Variants in TNS3 observed in about 807,000 individuals in gnomAD.
TNS3 encodes the protein tensin 3.
TNS3 carries 45 observed loss-of-function variants against 140.9 expected under a neutral mutation model. The observed-to-expected ratio is 0.32, with a 90% CI of 0.25 to 0.41. The LOEUF (loss-of-function observed/expected upper bound fraction) is 0.41, where lower values mean the gene tolerates loss of function less well. Ranked by LOEUF, TNS3 falls within the 10% of genes least tolerant of loss-of-function variation. The pLI is 1.00. For synonymous variants in TNS3, 815 were observed against 788.4 expected, an observed-to-expected ratio of 1.03 and a Z score of -0.56; for missense variants, 1,716 against 1,906.7, an observed-to-expected ratio of 0.90 and a Z score of 1.86.
intron 4 of TNS3, among the ~76,000 whole-genome samples, chr7:47,472,760 T>C (rs1797009846): frequency 6.6e-6 from 1 of 152,170 alleles, no homozygotes; most frequent in South Asian, 2.1e-4. Context: ...CTCCTGCTGG[T>C]CTGCACTTGC....
chr7:47,554,143 G>A (rs963836512), intron 1 of TNS3, among the ~76,000 whole-genome samples: 2 of 149,966 alleles, frequency 1.3e-5, no homozygotes, highest in African/African-American at 4.9e-5. Context: ...TTTGGGCCAG[G>A]TACAGTGGCT....
chr7:47,554,711 T>G (rs192098864), intron 1 of TNS3, among the ~76,000 whole-genome samples: 30 of 152,314 alleles, frequency 2.0e-4, no homozygotes. Flanking sequence ...TTGCTTCTTA[T>G]GCATAAGCAA....
chr7:47,387,037 C>G (rs959842354), intron 16 of TNS3, among the ~76,000 whole-genome samples: 3 of 152,176 alleles, frequency 2.0e-5, no homozygotes, highest in African/African-American at 4.8e-5. Flanking sequence ...CTTGGACTTA[C>G]AGAGAGAGTA....
intron 21 of TNS3, among the ~76,000 whole-genome samples, chr7:47,303,796 G>C (rs1013526983): frequency 1.3e-5 from 2 of 152,238 alleles, no homozygotes; most frequent in Admixed American, 6.5e-5. Context: ...ATGCCTGGAT[G>C]CTGCAGCCCG....
At chr7:47,453,464 C>G (rs2151644650) in intron 4 of TNS3, among the ~76,000 whole-genome samples, 1 of 152,290 alleles carries the variant, frequency 6.6e-6, no homozygotes, top group Non-Finnish European at 1.5e-5. Context: ...ACTGGCCTTC[C>G]TCCCTCCCTC....
intron 2 of TNS3, among the ~76,000 whole-genome samples, chr7:47,524,959 C>T (rs1399392370): frequency 6.6e-6 from 1 of 152,056 alleles, no homozygotes; most frequent in Non-Finnish European, 1.5e-5. Flanking sequence ...TCATAGCTGT[C>T]CATGAGTGAT....
chr7:47,299,940 G>T (rs1442220206), intron 23 of TNS3, among the ~76,000 whole-genome samples: 1 of 152,186 alleles, frequency 6.6e-6, no homozygotes, highest in Non-Finnish European at 1.5e-5. Flanking sequence ...TGCATCTGGA[G>T]AAGCATCTGG....
chr7:47,379,693 T>C (rs1791630189), intron 16 of TNS3, among the ~76,000 whole-genome samples: 1 of 152,124 alleles, frequency 6.6e-6, no homozygotes, highest in Non-Finnish European at 1.5e-5. Flanking sequence ...AAGGCATTGC[T>C]CCCTTGGTGC....
intron 1 of TNS3, among the ~76,000 whole-genome samples, chr7:47,568,058 C>A (rs1800469302): frequency 6.6e-6 from 1 of 152,228 alleles, no homozygotes; most frequent in African/African-American, 2.4e-5. Flanking sequence ...GGCAAAACTC[C>A]ACTCTGGGAG....
intron 16 of TNS3, among the ~76,000 whole-genome samples, chr7:47,392,705 A>AG (rs1792599516): frequency 1.3e-5 from 2 of 152,252 alleles, no homozygotes; most frequent in Admixed American, 1.3e-4. Flanking sequence ...TGCTGACCGC[A>AG]GGCAAGAGCG....
chr7:47,323,791 A>G (rs906384548), intron 20 of TNS3, among the ~76,000 whole-genome samples: 5 of 152,246 alleles, frequency 3.3e-5, no homozygotes, highest in Non-Finnish European at 7.3e-5. Flanking sequence ...GTATATACCA[A>G]GAGCGAGGAC....
intron 1 of TNS3, among the ~76,000 whole-genome samples, chr7:47,569,574 C>T (rs914428877): frequency 3.3e-5 from 5 of 151,286 alleles, no homozygotes; most frequent in Admixed American, 1.3e-4. Context: ...TACACAGGGA[C>T]GGGGCGTGGT....
intron 2 of TNS3, among the ~76,000 whole-genome samples, chr7:47,517,530 T>A (rs1419351448): frequency 6.6e-6 from 1 of 152,214 alleles, no homozygotes; most frequent in Non-Finnish European, 1.5e-5. Flanking sequence ...CCAAACTAAA[T>A]ACTTCTACCT....
At chr7:47,568,910 C>T (rs1342194940) in intron 1 of TNS3, among the ~76,000 whole-genome samples, 3 of 152,208 alleles carry the variant, frequency 2.0e-5, no homozygotes, top group South Asian at 2.1e-4. Flanking sequence ...TAACTTGTAC[C>T]GGGACACACT....
At chr7:47,300,560 C>G (rs1465461150) in intron 23 of TNS3, among the ~76,000 whole-genome samples, 1 of 152,242 alleles carries the variant, frequency 6.6e-6, no homozygotes, top group African/African-American at 2.4e-5. Context: ...AGGAAGCCAG[C>G]AGTGCACTCC....
At chr7:47,317,489 A>G (rs760961432) in intron 20 of TNS3, among the ~76,000 whole-genome samples, 1 of 152,232 alleles carries the variant, frequency 6.6e-6, no homozygotes, top group Non-Finnish European at 1.5e-5. Context: ...GGTGTTGTGT[A>G]GAGAATTCTA....
intron 4 of TNS3, among the ~76,000 whole-genome samples, chr7:47,479,136 A>G (rs1797316106): frequency 6.6e-6 from 1 of 152,142 alleles, no homozygotes; most frequent in Admixed American, 6.5e-5. Context: ...CAATGACAAC[A>G]TCTAAGCAGC....
intron 3 of TNS3, among the ~76,000 whole-genome samples, chr7:47,503,574 C>T (rs1254811034): frequency 7.9e-6 from 1 of 126,060 alleles, no homozygotes; most frequent in Non-Finnish European, 1.7e-5. Flanking sequence ...ATTGTACATA[C>T]ATTATGTGAC....
intron 13 of TNS3, among the ~76,000 whole-genome samples, chr7:47,409,766 T>A (rs991946022): frequency 1.6e-4 from 24 of 152,150 alleles, no homozygotes; most frequent in African/African-American, 4.3e-4. Flanking sequence ...CATGCCATTC[T>A]CCTGCCTCAG....
Sources: allele counts gnomAD v4.1 joint callset (sites outside exome capture counted in the v4.1 genomes callset), GRCh38; gene constraint gnomAD v4.1.1; transcripts MANE v1.5; gene names NCBI Gene and HGNC (gene_info 2026-07-23, HGNC 2026-07-21).